PTPRD: variants seen among roughly 807,000 people sequenced by gnomAD.
PTPRD encodes the protein protein tyrosine phosphatase receptor type D.
PTPRD carries 34 observed loss-of-function variants against 214.5 expected under a neutral mutation model. The observed-to-expected ratio is 0.16, with a 90% CI of 0.12 to 0.21. PTPRD has a LOEUF of 0.21. Ranked by LOEUF, PTPRD falls within the 10% of genes least tolerant of loss-of-function variation. The probability of loss-of-function intolerance (pLI) is 1.00; values close to 1 mark genes in which losing one functional copy is unlikely to be tolerated. For synonymous variants in PTPRD, 1,128 were observed against 845.7 expected, an observed-to-expected ratio of 1.33 and a Z score of -5.79; for missense variants, 2,545 against 2,398.7, an observed-to-expected ratio of 1.06 and a Z score of -1.27.
At chr9:9,513,242 T>C (rs1486513380) in intron 8 of PTPRD, among the ~76,000 whole-genome samples, 4 of 151,976 alleles carry the variant, frequency 2.6e-5, no homozygotes, top group Admixed American at 6.6e-5. Flanking sequence ...AGTGATGACT[T>C]TTACAGATAA....
intron 8 of PTPRD, among the ~76,000 whole-genome samples, chr9:9,572,790 T>G (rs638230): frequency 0.25 from 37,713 of 150,904 alleles, 5,428 homozygotes; most frequent in Non-Finnish European, 0.32. Flanking sequence ...ACATGAGAAA[T>G]AAGAGCAAAA....
At chr9:9,392,936 A>C (rs72700863) in intron 9 of PTPRD, among the ~76,000 whole-genome samples, 9,938 of 152,226 alleles carry the variant, frequency 0.065, 367 homozygotes, top group Middle Eastern at 0.13. Context: ...ACCAACCTGC[A>C]CACTGGGAGA....
At chr9:8,421,940 T>C (rs1286078714) in intron 35 of PTPRD, among the ~76,000 whole-genome samples, 3 of 151,444 alleles carry the variant, frequency 2.0e-5, no homozygotes, top group Non-Finnish European at 4.4e-5. Flanking sequence ...CTGAGCCCAG[T>C]AGTTCGAGAC....
chr9:8,965,425 G>A (rs2154324300), intron 11 of PTPRD, among the ~76,000 whole-genome samples: 1 of 151,350 alleles, frequency 6.6e-6, no homozygotes, highest in Admixed American at 6.6e-5. Context: ...TCACTGATCT[G>A]TCAGTGAAGT....
intron 11 of PTPRD, among the ~76,000 whole-genome samples, chr9:9,001,358 G>T (rs2154355219): frequency 6.6e-6 from 1 of 152,110 alleles, no homozygotes; most frequent in East Asian, 1.9e-4. Context: ...AGGGAACCAA[G>T]ACTCTGACAG....
chr9:9,165,011 C>T (rs1009703290), intron 10 of PTPRD, among the ~76,000 whole-genome samples: 5 of 147,692 alleles, frequency 3.4e-5, no homozygotes, highest in African/African-American at 1.0e-4. Context: ...GAGATCATGC[C>T]ACTGCACTCC....
At chr9:10,487,847 T>TTA (rs1555414993) in intron 2 of PTPRD, among the ~76,000 whole-genome samples, 7 of 143,880 alleles carry the variant, frequency 4.9e-5, no homozygotes, top group Non-Finnish European at 7.6e-5. Flanking sequence ...TTTTTTTTTT[T>TTA]AAAAAGGAGA....
At chr9:8,623,571 C>T (rs1289905342) in intron 14 of PTPRD, among the ~76,000 whole-genome samples, 1 of 151,842 alleles carries the variant, frequency 6.6e-6, no homozygotes, top group Non-Finnish European at 1.5e-5. Context: ...TAATAATAAT[C>T]CTACTGATCA....
At chr9:8,547,723 G>C (rs1361384605) in intron 14 of PTPRD, among the ~76,000 whole-genome samples, 4 of 150,468 alleles carry the variant, frequency 2.7e-5, no homozygotes, top group African/African-American at 4.9e-5. Flanking sequence ...TCCAATATCA[G>C]CCCATGATAA....
chr9:9,219,397 C>T (rs1028259372), intron 9 of PTPRD, among the ~76,000 whole-genome samples: 1 of 139,752 alleles, frequency 7.2e-6, no homozygotes, highest in Admixed American at 7.6e-5. Context: ...AATGATAATG[C>T]ATCTTCTGTG....
At chr9:10,216,981 TA>T (rs1312736467) in intron 3 of PTPRD, among the ~76,000 whole-genome samples, 22 of 152,012 alleles carry the variant, frequency 1.4e-4, no homozygotes, top group African/African-American at 5.3e-4. Flanking sequence ...ATTATATGGT[TA>T]TTTCCTTTTT....
chr9:9,491,393 C>G (rs1487008905), intron 8 of PTPRD, among the ~76,000 whole-genome samples: 2 of 151,820 alleles, frequency 1.3e-5, no homozygotes, highest in African/African-American at 4.8e-5. Context: ...AATTACTAGA[C>G]AGAAGATGTG....
intron 5 of PTPRD, among the ~76,000 whole-genome samples, chr9:9,829,578 A>C (rs1444326081): frequency 1.3e-5 from 2 of 151,852 alleles, no homozygotes; most frequent in Admixed American, 1.3e-4. Flanking sequence ...TATGTTACCT[A>C]TTATTTTGAT....
At chr9:8,341,015 A>G in intron 41 of PTPRD, 75 bp downstream of exon 41, 2 of 1,385,588 alleles carry the variant, frequency 1.4e-6, no homozygotes, top group Non-Finnish European at 1.9e-6. Context: ...TGGAGATGAA[A>G]TTTATTCTGG....
chr9:10,229,765 A>C (rs994891774), intron 3 of PTPRD, among the ~76,000 whole-genome samples: 3 of 151,976 alleles, frequency 2.0e-5, no homozygotes, highest in Non-Finnish European at 4.4e-5. Context: ...TGACGAGTTA[A>C]TGGGTGCAGC....
At chr9:8,406,720 G>A (rs774810453) in intron 35 of PTPRD, among the ~76,000 whole-genome samples, 17 of 152,262 alleles carry the variant, frequency 1.1e-4, no homozygotes, top group Middle Eastern at 3.4e-3. Context: ...GAGAGTTAGA[G>A]AACAAATTAT....
chr9:10,282,821 G>C (rs953494683), intron 3 of PTPRD, among the ~76,000 whole-genome samples: 1 of 152,052 alleles, frequency 6.6e-6, no homozygotes, highest in Middle Eastern at 3.2e-3. Flanking sequence ...ATCAGAAGTA[G>C]CAAGAATCCC....
At chr9:8,754,792 G>A (rs2093843676) in intron 11 of PTPRD, among the ~76,000 whole-genome samples, 1 of 152,154 alleles carries the variant, frequency 6.6e-6, no homozygotes, top group African/African-American at 2.4e-5. Context: ...GCAATCTACA[G>A]AGTGGAAAAA....
rs558614435 is a variant in PTPRD at position 8,719,777 on chromosome 9, G to A, written c.64+14003C>T. Among the ~76,000 whole-genome samples the A allele has an allele frequency of 6.6e-4, 100 of 151,888 alleles. 1 individual carries two copies. Among genetic ancestry groups the A allele is most frequent in the Admixed American group, 3.9e-3 (60 of 15,262 alleles). ...CCTCTGGTCAAAAGGCATGCAAAATGTATAAGGCTTTTAAAATGTTAGCGC... is the reference window on the plus strand; with the variant it reads ...CCTCTGGTCAAAAGGCATGCAAAATATATAAGGCTTTTAAAATGTTAGCGC... On this transcript the variant is annotated intron_variant, in intron 12 of 45. Coordinates refer to ENST00000381196, the MANE Select transcript of PTPRD (RefSeq NM_002839.4).
Sources: gnomAD v4.1 joint callset for allele counts (sites outside exome capture counted in the v4.1 genomes callset) on GRCh38, gnomAD v4.1.1 for gene constraint, MANE v1.5 for transcripts, NCBI Gene and HGNC (gene_info 2026-07-23, HGNC 2026-07-21) for gene names.